Variants in ATP13A1 observed in about 807,000 individuals in gnomAD.
The protein encoded by ATP13A1 is ATPase 13A1, also known as endoplasmic reticulum transmembrane helix translocase.
In ATP13A1, 55 loss-of-function variants were observed where a neutral mutation model predicts 134.8. The ratio of observed to expected loss-of-function variants is 0.41; its 90% CI spans 0.33 to 0.51. The LOEUF is 0.51. Among genes scored for constraint, ATP13A1 ranks in the 20% least tolerant of loss-of-function variants. The probability of loss-of-function intolerance (pLI) is 0.29; values close to 1 mark genes in which losing one functional copy is unlikely to be tolerated. For synonymous variants in ATP13A1, 775 were observed against 725.1 expected, an observed-to-expected ratio of 1.07 and a Z score of -1.10; for missense variants, 1,389 against 1,652.8, an observed-to-expected ratio of 0.84 and a Z score of 2.77.
Position 19,659,582 on chromosome 19 carries a change from A to C in ATP13A1, c.677+19T>G. 6.2e-7 allele frequency: 1 copy of C among 1,600,864 alleles called. No homozygotes were observed. The highest frequency in any genetic ancestry group is 8.6e-7 in the Non-Finnish European group (1 of 1,169,482). ...CAGGACAGAAAGGCAAAGGTGCTAC[A>C]GGCAAATCAAGGACTCACTTGTTGC... On this transcript the variant is annotated intron_variant, in intron 3 of 25. Coordinates refer to ENST00000357324, the MANE Select transcript of ATP13A1 (RefSeq NM_020410.3).
intron 3 of ATP13A1, 33 bp from the exon 4 acceptor site, chr19:19,657,441 G>C (rs533057383): frequency 6.5e-7 from 1 of 1,549,370 alleles, no homozygotes; most frequent in East Asian, 2.4e-5. Flanking sequence ...CTGTTCCCAG[G>C]GCAAGGCCTC....
Position 19,647,347 on chromosome 19 carries a change from GGT to G in ATP13A1, c.2909-24_2909-23del. ...CAGACTGCAGGGTGGTGGGGAGGCA[GGT>G]GTGGGTGTGGGTAGGGGTGCCAAGG... On this transcript the variant is annotated intron_variant, in intron 21 of 25. Coordinates refer to ENST00000357324, the MANE Select transcript of ATP13A1 (RefSeq NM_020410.3). The surrounding 1 kb of genome is among the most constrained non-coding windows in gnomAD (Gnocchi z 4.8). 1.2e-6 allele frequency: 2 copies of G among 1,610,038 alleles called. No individual in the cohort carries two copies. The highest frequency in any genetic ancestry group is 1.7e-6 in the Non-Finnish European group (2 of 1,177,890).
Position 19,646,334 on chromosome 19 carries a change from A to G in ATP13A1, c.3119T>C (p.Leu1040Pro). Reference sequence around the variant, plus strand: ...GTTGGGCAGGGGCCGTTCTCGGGAGAGGGTCTTGAGGGGCTGCAGCAGCAA... The same window carrying G: ...GTTGGGCAGGGGCCGTTCTCGGGAGGGGGTCTTGAGGGGCTGCAGCAGCAA... ...FISRSKPLKTLSRERPLPNIF... is the reference protein window; with the variant it reads ...FISRSKPLKTPSRERPLPNIF... Residue 1040 changes from leucine to proline, a missense_variant, in exon 23 of 26, where the codon CTC becomes CCC. Physicochemically the swap from Leu to Pro is moderately conservative, Grantham distance 98 (BLOSUM62 -3). Transcript: ENST00000357324. 1.2e-6 allele frequency: 2 copies of G among 1,613,670 alleles called. No individual in the cohort carries two copies. Among genetic ancestry groups the G allele is most frequent in the Non-Finnish European group, 1.7e-6 (2 of 1,179,780 alleles).
In ATP13A1 at chr19:19,656,589, C is replaced by A; in HGVS notation, c.1083+71G>T. Reference sequence around the variant, plus strand: ...CTGTGCCTGAGGGGGATCCCCGCCACCCCCTGGGCCTCCACCTCCTGGCCT... The same window carrying A: ...CTGTGCCTGAGGGGGATCCCCGCCAACCCCTGGGCCTCCACCTCCTGGCCT... On this transcript the variant is annotated intron_variant, in intron 7 of 25. Transcript: ENST00000357324. This position sits in a 1 kb window ranked among gnomAD's most constrained non-coding sequence, Gnocchi z 4.6. 1 of 1,490,238 alleles carries A rather than the reference C, an allele frequency of 6.7e-7. No individual in the cohort carries two copies. The highest frequency in any genetic ancestry group is 9.2e-7 in the Non-Finnish European group (1 of 1,091,198). 92.3% of individuals were successfully genotyped at this position (1,490,238 alleles called of 1,614,324 possible).
Position 19,653,645 on chromosome 19 carries a change from C to T in ATP13A1, c.2100+139G>A. On this transcript the variant is annotated intron_variant, in intron 15 of 25. Coordinates refer to ENST00000357324, the MANE Select transcript of ATP13A1 (RefSeq NM_020410.3). This position sits in a 1 kb window ranked among gnomAD's most constrained non-coding sequence, Gnocchi z 4.2. ...CAGACTGAGTGCCATTTGGAGTCTC[C>T]AAAGGTAGAAGCTGGAGGCGGGGCA... The T allele has an allele frequency of 1.2e-6, 1 of 823,332 alleles. No homozygotes were observed. Among genetic ancestry groups the T allele is most frequent in the Non-Finnish European group, 1.9e-6 (1 of 532,112 alleles). 51.0% of individuals were successfully genotyped at this position (823,332 alleles called of 1,614,324 possible).
intron 3 of ATP13A1, 35 bp from the exon 4 acceptor site, chr19:19,657,443 C>T: frequency 6.5e-7 from 1 of 1,547,850 alleles, no homozygotes; most frequent in South Asian, 1.2e-5. Flanking sequence ...GTTCCCAGGG[C>T]AAGGCCTCTG....
At chr19:19,654,272 G>A (rs893230865) in intron 13 of ATP13A1, 128 bp from the exon 14 acceptor site, 2 of 1,108,790 alleles carry the variant, frequency 1.8e-6, no homozygotes, top group African/African-American at 3.2e-5. Flanking sequence ...CTCTGGGCTA[G>A]AGCAGGTGTT....
intron 16 of ATP13A1, 30 bp downstream of exon 16, chr19:19,652,565 C>T (rs764386744): frequency 6.3e-7 from 1 of 1,596,244 alleles, no homozygotes; most frequent in East Asian, 2.3e-5. Flanking sequence ...ATTTCCCATG[C>T]AGAGGGTGGA....
chr19:19,648,002 C>T lies in ATP13A1; in HGVS notation c.2633-243G>A, dbSNP rs185948693. Among the ~76,000 whole-genome samples the T allele has an allele frequency of 2.2e-3, 338 of 152,294 alleles. 1 individual carries two copies. Among genetic ancestry groups the T allele is most frequent in the Middle Eastern group, 6.8e-3 (2 of 294 alleles). ...CCACAACAAATGCAATGAAAAAACA[C>T]ACAACACGAGATAGGTCAAAACTAA... On this transcript the variant is annotated intron_variant, in intron 19 of 25. Transcript: ENST00000357324.
At chr19:19,649,093 G>A (rs1599428452) in intron 19 of ATP13A1, among the ~76,000 whole-genome samples, 1 of 151,970 alleles carries the variant, frequency 6.6e-6, no homozygotes, top group African/African-American at 2.4e-5. Flanking sequence ...TTGTACTCCA[G>A]CCTGGGTGAC....
chr19:19,646,670 C>T (rs540025453), intron 22 of ATP13A1: 1 of 430,272 alleles, frequency 2.3e-6, no homozygotes, highest in Non-Finnish European at 4.3e-6. Flanking sequence ...CTCCCACCCC[C>T]TCCAGCCACC....
chr19:19,647,374 G>T lies in ATP13A1; in HGVS notation c.2908+40C>A, dbSNP rs780626404. The T allele has an allele frequency of 5.6e-6, 9 of 1,607,202 alleles. No homozygotes were observed. Among genetic ancestry groups the T allele is most frequent in the Non-Finnish European group, 6.8e-6 (8 of 1,175,810 alleles). On this transcript the variant is annotated intron_variant, in intron 21 of 25. Coordinates refer to ENST00000357324, the MANE Select transcript of ATP13A1 (RefSeq NM_020410.3). The surrounding 1 kb of genome is among the most constrained non-coding windows in gnomAD (Gnocchi z 4.8). ...TGTGGGTGTGGGTAGGGGTGCCAAGGGGGGAATGAAGGGAGGGGGAGCGGG... is the reference window on the plus strand; with the variant it reads ...TGTGGGTGTGGGTAGGGGTGCCAAGTGGGGAATGAAGGGAGGGGGAGCGGG...
rs1416238669 is a variant in ATP13A1 at position 19,645,651 on chromosome 19, A to C, written c.3500T>G (p.Val1167Gly). 3.8e-6 allele frequency: 6 copies of C among 1,569,338 alleles called. No homozygotes were observed. Among genetic ancestry groups the C allele is most frequent in the Non-Finnish European group, 4.3e-6 (5 of 1,157,342 alleles). ...CACCTCCACAGGGCCACTGACCTCC[A>C]CAGGGATGTCCACGAGGCCAAACTG... is the stretch of plus-strand genomic sequence containing the variant. ...NSQFGLVDIPVEFKLVIAQVL... is the reference protein window; with the variant it reads ...NSQFGLVDIPGEFKLVIAQVL... The change falls in exon 25 of 26, where the codon GTG (valine) becomes GGG (glycine). Residue 1167 changes from valine to glycine, a missense_variant. By Grantham distance (109) the Val-to-Gly change is moderately radical (BLOSUM62 -3). This residue lies in a region of ATP13A1 where 228 missense variants were observed against 321.0 expected (regional missense o/e 0.71). Transcript: ENST00000357324. The surrounding 1 kb of genome is among the most constrained non-coding windows in gnomAD (Gnocchi z 4.1).
At chr19:19,661,664 CAG>C (rs1433004004) in intron 1 of ATP13A1, among the ~76,000 whole-genome samples, 1 of 152,190 alleles carries the variant, frequency 6.6e-6, no homozygotes, top group African/African-American at 2.4e-5. Context: ...ACCTAAGACA[CAG>C]AAATGTTGAA....
intron 22 of ATP13A1, 85 bp from the exon 23 acceptor site, chr19:19,646,432 C>T: frequency 6.6e-7 from 1 of 1,516,086 alleles, no homozygotes; most frequent in South Asian, 1.2e-5. Flanking sequence ...ACATCCCCTG[C>T]CTCCCGGGAG....
intron 16 of ATP13A1, 113 bp downstream of exon 16, chr19:19,652,482 C>T: frequency 1.4e-6 from 2 of 1,418,178 alleles, no homozygotes; most frequent in East Asian, 2.5e-5. Flanking sequence ...TCTTGCTCAG[C>T]TAAAACATGC....
chr19:19,655,827 T>C lies in ATP13A1; in HGVS notation c.1269+51A>G, dbSNP rs2062053848. Reference sequence around the variant, plus strand: ...TCTGGGGTCGGAAAGGGCTGATACCTTGGCTGTCCAACTGCCCTGGGGCCC... The same window carrying C: ...TCTGGGGTCGGAAAGGGCTGATACCCTGGCTGTCCAACTGCCCTGGGGCCC... On this transcript the variant is annotated intron_variant, in intron 9 of 25. Coordinates refer to ENST00000357324, the MANE Select transcript of ATP13A1 (RefSeq NM_020410.3). The surrounding 1 kb of genome is among the most constrained non-coding windows in gnomAD (Gnocchi z 5.7). The C allele has an allele frequency of 2.6e-6, 4 of 1,547,254 alleles. No homozygotes were observed. The highest frequency in any genetic ancestry group is 3.5e-6 in the Non-Finnish European group (4 of 1,150,912).
At position 19,657,318 on chromosome 19, in the gene ATP13A1, C is replaced by G; in HGVS notation, c.750+18G>C. On this transcript the variant is annotated intron_variant, in intron 4 of 25. Coordinates refer to ENST00000357324, the MANE Select transcript of ATP13A1 (RefSeq NM_020410.3). The stretch of plus-strand genomic sequence containing the variant: ...CCAAGGGAGGAAATGGGGAGATGGG[C>G]CAGAGCTGCTGCTTTACCTGAAATA... 1 of 1,559,622 alleles carries G rather than the reference C, an allele frequency of 6.4e-7. No individual in the cohort carries two copies. The highest frequency in any genetic ancestry group is 1.2e-5 in the South Asian group (1 of 84,398).
Position 19,655,561 on chromosome 19 carries a change from C to A in ATP13A1, c.1363G>T (p.Ala455Ser). Residue 455 changes from alanine (A) to serine (S), a missense_variant, in exon 10 of 26, where the codon GCC becomes TCC. Coordinates refer to ENST00000357324, the MANE Select transcript of ATP13A1 (RefSeq NM_020410.3). This position sits in a 1 kb window ranked among gnomAD's most constrained non-coding sequence, Gnocchi z 5.7. ...FIFILFLLVF[A>S]IAAAAYVWIE... is the part of the protein sequence containing the mutation. ...CATACATAGGCAGCTGCAGCGATGG[C>A]AAACACCAGGAGGAAGAGGATGAAG... The A allele has an allele frequency of 6.2e-7, 1 of 1,613,988 alleles. No individual in the cohort carries two copies. The highest frequency in any genetic ancestry group is 8.5e-7 in the Non-Finnish European group (1 of 1,179,880).
Sources: allele counts gnomAD v4.1 joint callset (sites outside exome capture counted in the v4.1 genomes callset), GRCh38; gene constraint gnomAD v4.1.1; regional missense constraint gnomAD v4.1.1; non-coding constraint Gnocchi (gnomAD v3.1); transcripts MANE v1.5; gene names NCBI Gene and HGNC (gene_info 2026-07-23, HGNC 2026-07-21).